The following PCLO variants were observed in gnomAD, a reference collection of about 807,000 sequenced individuals.
The protein encoded by PCLO is piccolo presynaptic cytomatrix protein, also known as protein piccolo.
A neutral mutation model predicts 427.5 loss-of-function variants in PCLO; 82 were observed. The ratio of observed to expected loss-of-function variants is 0.19; its 90% CI spans 0.16 to 0.23. The LOEUF (loss-of-function observed/expected upper bound fraction) is 0.23. Among genes scored for constraint, PCLO ranks in the 10% least tolerant of loss-of-function variants. The pLI, the probability that PCLO is intolerant of heterozygous loss-of-function variation, is 1.00. For synonymous variants in PCLO, 2,357 were observed against 2,155.4 expected (o/e 1.09, Z -2.59); for missense variants, 6,239 against 6,115.9 (o/e 1.02, Z -0.67).
intron 22 of PCLO, among the ~76,000 whole-genome samples, chr7:82,789,978 A>G (rs994358209): frequency 3.0e-4 from 45 of 152,142 alleles, no homozygotes; most frequent in Admixed American, 7.9e-4. Flanking sequence ...CCATTATCAC[A>G]TCATTTCATC....
At chr7:82,866,095 A>C (rs1047216617) in intron 10 of PCLO, among the ~76,000 whole-genome samples, 2 of 152,092 alleles carry the variant, frequency 1.3e-5, no homozygotes, top group African/African-American at 4.8e-5. Flanking sequence ...CTTGGCACAC[A>C]ACAAGCATGC....
intron 3 of PCLO, among the ~76,000 whole-genome samples, chr7:82,995,234 G>T (rs1796468856): frequency 6.6e-6 from 1 of 151,972 alleles, no homozygotes; most frequent in Non-Finnish European, 1.5e-5. Flanking sequence ...TAGAATCTAG[G>T]TTGAAGATAA....
chr7:83,086,268 G>A (rs933525251), intron 3 of PCLO, among the ~76,000 whole-genome samples: 3 of 151,858 alleles, frequency 2.0e-5, no homozygotes, highest in Non-Finnish European at 4.4e-5. Context: ...ATGCTACCAC[G>A]CCCAGCTAAT....
intron 6 of PCLO, among the ~76,000 whole-genome samples, chr7:82,941,710 C>T (rs1795089890): frequency 6.6e-6 from 1 of 152,092 alleles, no homozygotes; most frequent in Non-Finnish European, 1.5e-5. Context: ...AAGAAAGTGT[C>T]AAACAAGTAT....
chr7:83,124,125 A>G (rs959060500), intron 3 of PCLO, among the ~76,000 whole-genome samples: 5 of 151,656 alleles, frequency 3.3e-5, no homozygotes, highest in Non-Finnish European at 2.9e-5. Context: ...CCTGGCTAAC[A>G]TGGTGAAACC....
At chr7:83,087,246 G>A (rs898117476) in intron 3 of PCLO, among the ~76,000 whole-genome samples, 3 of 151,328 alleles carry the variant, frequency 2.0e-5, no homozygotes, top group Non-Finnish European at 4.4e-5. Flanking sequence ...TGGAAGTTAA[G>A]CCATGAGTAC....
rs761367206 is a variant in PCLO, at chr7:82,952,786, G to A, written c.8167C>T (p.Leu2723Phe). 2 of 1,613,478 alleles carry A rather than the reference G, an allele frequency of 1.2e-6. No homozygotes were observed. The highest frequency in any genetic ancestry group is 1.7e-5 in the Admixed American group (1 of 59,950). The change falls in exon 5 of 25, where the codon CTT (leucine) becomes TTT (phenylalanine). Residue 2723 changes from leucine (L) to phenylalanine (F), a missense_variant. By Grantham distance (22) the Leu-to-Phe change is conservative. Around this residue, in one of 5 missense-constraint regions of PCLO, gnomAD observed 4,677 missense variants for 4,468.4 expected, o/e 1.05. Coordinates refer to ENST00000333891, the MANE Select transcript of PCLO (RefSeq NM_033026.6). The stretch of plus-strand genomic sequence containing the variant: ...CGCAAATCAATTACATCACCAACAA[G>A]TTGCAATTTTCCATCTTCTTTATAC... ...PQYKEDGKLQLVGDVIDLRTV... is the reference protein window; with the variant it reads ...PQYKEDGKLQFVGDVIDLRTV...
At position 82,755,507 on chromosome 7, in the gene PCLO, T is replaced by C. The variant is rs541111447; in HGVS notation, c.*3068A>G. The C allele has an allele frequency of 6.6e-6, 1 of 152,104 alleles. No homozygotes were observed. Among genetic ancestry groups the C allele is most frequent in the Non-Finnish European group, 1.5e-5 (1 of 68,022 alleles). The allele number at this position is 152,104 out of a possible 1,614,324, so 9.4% of individuals were successfully genotyped here. ...TTGTTTCTACAGCCGAAAGTTTCTT[T>C]AGGACCAAATTTGAAACCAAGAAGC... On this transcript the variant is annotated 3_prime_UTR_variant, in exon 25 of 25. Coordinates refer to ENST00000333891, the MANE Select transcript of PCLO (RefSeq NM_033026.6).
At chr7:83,114,294 A>G (rs1179751953) in intron 3 of PCLO, among the ~76,000 whole-genome samples, 1 of 152,074 alleles carries the variant, frequency 6.6e-6, no homozygotes, top group Non-Finnish European at 1.5e-5. Flanking sequence ...GCTATATAAG[A>G]GGGCTGACTG....
At chr7:83,117,078 A>T (rs769485305) in intron 3 of PCLO, among the ~76,000 whole-genome samples, 8 of 152,214 alleles carry the variant, frequency 5.3e-5, no homozygotes, top group Non-Finnish European at 1.0e-4. Flanking sequence ...TACATTAAAG[A>T]TGAAATTTTT....
chr7:83,139,806 C>T (rs1354641481), intron 2 of PCLO, among the ~76,000 whole-genome samples: 1 of 152,068 alleles, frequency 6.6e-6, no homozygotes, highest in African/African-American at 2.4e-5. Context: ...TTATCTACGG[C>T]TAGCACTATA....
At chr7:82,820,543 T>G in intron 20 of PCLO, 1 of 1,224,930 alleles carries the variant, frequency 8.2e-7, no homozygotes, top group Non-Finnish European at 1.0e-6. Context: ...GCCCAACACA[T>G]CTGATACACT....
chr7:82,947,086 A>G (rs1795220764), intron 6 of PCLO, among the ~76,000 whole-genome samples: 1 of 152,110 alleles, frequency 6.6e-6, no homozygotes, highest in African/African-American at 2.4e-5. Context: ...CTGTTCATCA[A>G]TCTGAAACTT....
chr7:83,097,586 G>C (rs888065729), intron 3 of PCLO, among the ~76,000 whole-genome samples: 1 of 147,082 alleles, frequency 6.8e-6, no homozygotes, highest in Non-Finnish European at 1.5e-5. Flanking sequence ...ATTTGTATTA[G>C]GTTAAAGGGC....
chr7:82,843,980 T>C (rs1387221813), intron 13 of PCLO, among the ~76,000 whole-genome samples: 1 of 152,042 alleles, frequency 6.6e-6, no homozygotes, highest in Non-Finnish European at 1.5e-5. Context: ...TGTATACATA[T>C]TTTAAAACAT....
In PCLO at chr7:82,801,545, C is replaced by A; in HGVS notation, c.14980G>T (p.Val4994Leu). ...NGQEPVKQPGVGVGLADTEAK... is the reference protein window; with the variant it reads ...NGQEPVKQPGLGVGLADTEAK... ...TCAGTGTCTGCTAGTCCTACTCCTACCCCTGGCTGTTTTACAGGCTCTTGT... is the reference window on the plus strand; with the variant it reads ...TCAGTGTCTGCTAGTCCTACTCCTAACCCTGGCTGTTTTACAGGCTCTTGT... The change falls in exon 22 of 25, where the codon GTA becomes TTA. Residue 4994 changes from valine (V) to leucine (L), a missense_variant. By Grantham distance (32) the Val-to-Leu change is conservative. Coordinates refer to ENST00000333891, the MANE Select transcript of PCLO (RefSeq NM_033026.6). 1.9e-6 allele frequency: 3 copies of A among 1,598,570 alleles called. No homozygotes were observed. Among genetic ancestry groups the A allele is most frequent in the Non-Finnish European group, 2.6e-6 (3 of 1,166,076 alleles).
At chr7:83,031,925 A>G (rs1788679917) in intron 3 of PCLO, among the ~76,000 whole-genome samples, 1 of 152,098 alleles carries the variant, frequency 6.6e-6, no homozygotes, top group African/African-American at 2.4e-5. Flanking sequence ...TTTCAGGACT[A>G]CCCTTGATAT....
chr7:82,920,358 T>C (rs1183187607), intron 6 of PCLO, among the ~76,000 whole-genome samples: 1 of 151,806 alleles, frequency 6.6e-6, no homozygotes, highest in African/African-American at 2.4e-5. Context: ...TGGTTTTCTG[T>C]GTTGACCAGC....
intron 10 of PCLO, chr7:82,867,980 A>G: frequency 2.8e-6 from 1 of 362,942 alleles, no homozygotes; most frequent in South Asian, 2.2e-5. Context: ...TTCTTCACAG[A>G]AGAGAGTTTC....
Sources: gnomAD v4.1 joint callset for allele counts (sites outside exome capture counted in the v4.1 genomes callset) on GRCh38, gnomAD v4.1.1 for gene constraint, gnomAD v4.1.1 regional missense constraint, MANE v1.5 for transcripts, NCBI Gene and HGNC (gene_info 2026-07-23, HGNC 2026-07-21) for gene names.